The following TJP2 variants were observed in gnomAD, a reference collection of about 807,000 sequenced individuals.
TJP2 encodes the protein tight junction protein 2.
In TJP2, 91 loss-of-function variants were observed where a neutral mutation model predicts 133.1. The ratio of observed to expected loss-of-function variants is 0.68; its 90% confidence interval spans 0.58 to 0.81. The LOEUF (loss-of-function observed/expected upper bound fraction) is 0.81, where lower values mean the gene tolerates loss of function less well. Among genes scored for constraint, TJP2 ranks in the 40% least tolerant of loss-of-function variants. The pLI is 0.00. For missense variants in TJP2, 1,541 were observed against 1,565.6 expected, an observed-to-expected ratio of 0.98 and a Z score of 0.26; for synonymous variants, 592 against 583.4, an observed-to-expected ratio of 1.01 and a Z score of -0.21.
At chr9:69,239,837 CAAG>C in intron 16 of TJP2, 97 bp from the exon 17 acceptor site, 1 of 994,198 alleles carries the variant, frequency 1.0e-6, no homozygotes, top group Non-Finnish European at 1.6e-6. Context: ...AACAAACAAA[CAAG>C]ATATATCTCA....
intron 17 of TJP2, chr9:69,246,416 T>G: frequency 2.4e-6 from 1 of 420,034 alleles, no homozygotes; most frequent in South Asian, 2.1e-5. Flanking sequence ...CTTAAAAACA[T>G]TTTTAAAAGT....
intron 5 of TJP2, among the ~76,000 whole-genome samples, chr9:69,222,340 C>A (rs1370347411): frequency 6.6e-6 from 1 of 150,720 alleles, no homozygotes; most frequent in Admixed American, 6.6e-5. Context: ...CCACGCCCGG[C>A]TAATTTTTGT....
chr9:69,170,719 T>C (rs1402495885), upstream of TJP2, among the ~76,000 whole-genome samples: 1 of 152,244 alleles, frequency 6.6e-6, no homozygotes, highest in Non-Finnish European at 1.5e-5. Context: ...GTTTGTTCTT[T>C]CCTTGGCTTT....
intron 5 of TJP2, 34 bp from the exon 6 acceptor site, chr9:69,225,269 TA>T (rs776739672): frequency 9.6e-6 from 13 of 1,357,336 alleles, no homozygotes; most frequent in Non-Finnish European, 1.3e-5. Context: ...AACAAATTGA[TA>T]ACATACGTGT....
intron 12 of TJP2, among the ~76,000 whole-genome samples, chr9:69,235,547 C>T (rs1830123459): frequency 6.6e-6 from 1 of 152,092 alleles, no homozygotes; most frequent in Non-Finnish European, 1.5e-5. Flanking sequence ...TGGTCTCGAT[C>T]TCCTGACCTT....
At chr9:69,207,085 T>C (rs751093930) in intron 1 of TJP2, among the ~76,000 whole-genome samples, 7 of 152,164 alleles carry the variant, frequency 4.6e-5, no homozygotes, top group Non-Finnish European at 8.8e-5. Context: ...TGTTATGTTT[T>C]TCATTTCCTT....
In TJP2 at chr9:69,254,400, C is replaced by T; in HGVS notation, c.*26C>T. On this transcript the variant is annotated 3_prime_UTR_variant, in exon 23 of 23. Transcript: ENST00000377245. ...ATGTCTGAGCACGGACTCTCCCAGG[C>T]CTGCCTGCATGGCATCAGACTAGCC... The T allele has an allele frequency of 1.2e-6, 2 of 1,613,306 alleles. No individual in the cohort carries two copies. The highest frequency in any genetic ancestry group is 1.1e-5 in the South Asian group (1 of 91,074).
Position 69,254,794 on chromosome 9 carries a change from A to C in TJP2, c.*420A>C. On this transcript the variant is annotated 3_prime_UTR_variant, in exon 23 of 23. Transcript: ENST00000377245. The stretch of plus-strand genomic sequence containing the variant: ...AAAAAATACTGTTGGGCTCAAACTA[A>C]ATTCAAAGAAGTACTTTATTGCAAC... 1 of 470,216 alleles carries C rather than the reference A, an allele frequency of 2.1e-6. No individual in the cohort carries two copies. Among genetic ancestry groups the C allele is most frequent in the Non-Finnish European group, 3.7e-6 (1 of 268,892 alleles). The allele number at this position is 470,216 out of a possible 1,614,324, so 29.1% of individuals were successfully genotyped here. A position where few individuals can be genotyped will look rare whatever the true frequency, so the allele number is the denominator to read the frequency against.
chr9:69,202,383 T>A (rs1827057563), intron 1 of TJP2, among the ~76,000 whole-genome samples: 1 of 152,090 alleles, frequency 6.6e-6, no homozygotes, highest in African/African-American at 2.4e-5. Flanking sequence ...GCACATGAGT[T>A]TTGGTGGGAC....
At chr9:69,242,511 A>T (rs1470825243) in intron 17 of TJP2, among the ~76,000 whole-genome samples, 5 of 152,240 alleles carry the variant, frequency 3.3e-5, no homozygotes, top group Non-Finnish European at 5.9e-5. Flanking sequence ...GGAAGCACAC[A>T]CTGTAAGCAT....
intron 1 of TJP2, among the ~76,000 whole-genome samples, chr9:69,127,830 T>C (rs148318537): frequency 0.037 from 2,845 of 76,530 alleles, 1,060 homozygotes; most frequent in African/African-American, 0.11. Flanking sequence ...TCCCACTCCT[T>C]TGGGGGACCG....
At chr9:69,208,312 G>A (rs985922501) in intron 1 of TJP2, among the ~76,000 whole-genome samples, 2 of 152,058 alleles carry the variant, frequency 1.3e-5, no homozygotes, top group East Asian at 1.9e-4. Flanking sequence ...TTTATTACCC[G>A]TTAACCATAG....
chr9:69,122,687 T>C lies in TJP2; in HGVS notation c.-131+962T>C, dbSNP rs1045517711. On this transcript the variant is annotated intron_variant, in intron 1 of 5. Transcript: ENST00000423935. ...TTGAGAAGGGCATTTTCAAGACTAT[T>C]TTGAAGTTTGCACGAGGGCTTTCTG... Among the ~76,000 whole-genome samples the C allele has an allele frequency of 3.9e-5, 6 of 152,166 alleles. No homozygotes were observed. The East Asian group carries it at 1.2e-3, about 29-fold the overall frequency.
At chr9:69,210,299 C>CAAA (rs3067182) in intron 1 of TJP2, among the ~76,000 whole-genome samples, 1,300 of 28,562 alleles carry the variant, frequency 0.046, 142 homozygotes, top group Admixed American at 0.19. Context: ...CCCCCCCCCC[C>CAAA]AAAAAAAAAA....
At chr9:69,205,023 C>CA (rs1827285555) in intron 1 of TJP2, 1 of 1,419,406 alleles carries the variant, frequency 7.0e-7, no homozygotes, top group Non-Finnish European at 9.2e-7. Flanking sequence ...ATGGATGTGT[C>CA]ACTGTGTGAG....
chr9:69,173,911 C>T (rs575220637), upstream of TJP2: 15 of 979,736 alleles, frequency 1.5e-5, no homozygotes, highest in South Asian at 4.7e-5. Flanking sequence ...GGAGCGGGAC[C>T]TGCTTGCTCC....
At chr9:69,155,908 A>G (rs988708155) in intron 2 of TJP2, among the ~76,000 whole-genome samples, 2 of 152,176 alleles carry the variant, frequency 1.3e-5, no homozygotes, top group Non-Finnish European at 2.9e-5. Flanking sequence ...GTTATTGGCT[A>G]TGTGCACTTA....
At chr9:69,218,968 G>A (rs56323602) in intron 4 of TJP2, among the ~76,000 whole-genome samples, 54,111 of 142,098 alleles carry the variant, frequency 0.38, 10,721 homozygotes, top group African/African-American at 0.5. Context: ...GTGTGTGTGT[G>A]TATTTTTTTT....
intron 12 of TJP2, among the ~76,000 whole-genome samples, chr9:69,234,884 C>T (rs1009531495): frequency 6.6e-6 from 1 of 152,088 alleles, no homozygotes; most frequent in African/African-American, 2.4e-5. Flanking sequence ...CTGGCTGGTG[C>T]GCCTGTTACC....
Sources: allele counts gnomAD v4.1 joint callset (sites outside exome capture counted in the v4.1 genomes callset), GRCh38; gene constraint gnomAD v4.1.1; transcripts MANE v1.5; gene names NCBI Gene and HGNC (gene_info 2026-07-23, HGNC 2026-07-21).